AFG2A: variants seen among roughly 807,000 people sequenced by gnomAD.
The protein encoded by AFG2A is AAA ATPase AFG2A, also known as ATPase family gene 2 protein homolog A.
chr4:123,306,235 A>G, the AFG2A span, among the ~76,000 whole-genome samples: 1 of 152,150 alleles, frequency 6.6e-6, no homozygotes, highest in Non-Finnish European at 1.5e-5. Flanking sequence ...ACGTCCTAGG[A>G]ATTCATTTCA....
At chr4:123,255,724 T>C in the AFG2A span, among the ~76,000 whole-genome samples, 9 of 144,094 alleles carry the variant, frequency 6.2e-5, no homozygotes, top group African/African-American at 1.5e-4. Flanking sequence ...TCTATTTTTT[T>C]TTTTTTTTTT....
the AFG2A span, among the ~76,000 whole-genome samples, chr4:123,016,682 C>T: frequency 2.6e-5 from 4 of 151,654 alleles, no homozygotes; most frequent in African/African-American, 4.8e-5. Context: ...AGACGATGGG[C>T]GGCCAGGCAG....
At chr4:122,931,657 T>C in the AFG2A span, among the ~76,000 whole-genome samples, 94 of 152,298 alleles carry the variant, frequency 6.2e-4, no homozygotes, top group African/African-American at 2.0e-3. Context: ...CCTGAGGTGC[T>C]AGTGCTGGGA....
chr4:123,015,790 C>T, the AFG2A span, among the ~76,000 whole-genome samples: 1 of 121,272 alleles, frequency 8.2e-6, no homozygotes, highest in Admixed American at 8.1e-5. Context: ...ACCTCCCGGA[C>T]CGGGCGGCTC....
At chr4:123,232,113 AT>A in the AFG2A span, among the ~76,000 whole-genome samples, 1 of 152,010 alleles carries the variant, frequency 6.6e-6, no homozygotes, top group Non-Finnish European at 1.5e-5. Context: ...GGTTGCCACA[AT>A]TTACAATATA....
the AFG2A span, among the ~76,000 whole-genome samples, chr4:123,106,737 C>T: frequency 3.3e-5 from 5 of 152,216 alleles, no homozygotes; most frequent in Admixed American, 6.5e-5. Context: ...CTGGAAACCT[C>T]CATGGCCAGT....
the AFG2A span, among the ~76,000 whole-genome samples, chr4:122,925,043 C>G: frequency 9.9e-5 from 15 of 152,234 alleles, no homozygotes; most frequent in African/African-American, 2.9e-4. Flanking sequence ...TCAGGACTAA[C>G]TTCATGAGCC....
the AFG2A span, among the ~76,000 whole-genome samples, chr4:123,237,660 G>A: frequency 9.2e-6 from 1 of 108,348 alleles, no homozygotes; most frequent in Non-Finnish European, 1.8e-5. Context: ...GCGACAGAGT[G>A]AAACCTTGTC....
At chr4:123,290,162 C>A in the AFG2A span, among the ~76,000 whole-genome samples, 1 of 152,120 alleles carries the variant, frequency 6.6e-6, no homozygotes, top group African/African-American at 2.4e-5. Flanking sequence ...TGTTCACTCT[C>A]TTGATAATTT....
At chr4:123,277,761 A>G in the AFG2A span, among the ~76,000 whole-genome samples, 1 of 152,108 alleles carries the variant, frequency 6.6e-6, no homozygotes, top group East Asian at 1.9e-4. Context: ...CTCTGTTTAT[A>G]GGATTAATCA....
At chr4:123,228,945 G>T in the AFG2A span, among the ~76,000 whole-genome samples, 1 of 151,890 alleles carries the variant, frequency 6.6e-6, no homozygotes, top group Non-Finnish European at 1.5e-5. Flanking sequence ...GATATTCCAG[G>T]CTGGAACTGG....
chr4:123,004,521 A>G, the AFG2A span, among the ~76,000 whole-genome samples: 3 of 152,194 alleles, frequency 2.0e-5, no homozygotes, highest in East Asian at 1.9e-4. Context: ...TAGTCTGTCA[A>G]TATGAATTAT....
chr4:123,160,709 C>G, the AFG2A span, among the ~76,000 whole-genome samples: 1 of 152,064 alleles, frequency 6.6e-6, no homozygotes, highest in Admixed American at 6.6e-5. Context: ...CTTTCTTTTT[C>G]TTTTGTTTTT....
chr4:123,256,190 T>C, the AFG2A span: 4 of 1,613,232 alleles, frequency 2.5e-6, no homozygotes, highest in Non-Finnish European at 3.4e-6. Flanking sequence ...GGTAAGATAG[T>C]TCCCTTCAAA....
At chr4:123,084,422 C>G in the AFG2A span, among the ~76,000 whole-genome samples, 1 of 151,942 alleles carries the variant, frequency 6.6e-6, no homozygotes, top group East Asian at 1.9e-4. Context: ...TATATACTCT[C>G]AATACTATAA....
chr4:123,283,011 C>T, the AFG2A span, among the ~76,000 whole-genome samples: 1 of 151,942 alleles, frequency 6.6e-6, no homozygotes, highest in Admixed American at 6.6e-5. Context: ...ATATAAGTGT[C>T]TTGCACTTTT....
the AFG2A span, among the ~76,000 whole-genome samples, chr4:123,012,070 TG>T: frequency 1.9e-5 from 1 of 53,066 alleles, no homozygotes; most frequent in Non-Finnish European, 3.7e-5. Flanking sequence ...AGAAGGGGTG[TG>T]GGGTGCTTGC....
the AFG2A span, among the ~76,000 whole-genome samples, chr4:122,934,981 A>G: frequency 2.6e-5 from 4 of 152,330 alleles, no homozygotes; most frequent in East Asian, 1.9e-4. Flanking sequence ...TATTTCCACA[A>G]TTACCTGTAT....
the AFG2A span, among the ~76,000 whole-genome samples, chr4:123,229,692 G>A: frequency 1.1e-4 from 16 of 152,012 alleles, 1 homozygote; most frequent in East Asian, 7.7e-4. Flanking sequence ...TGGAAATGCC[G>A]TTTCCTGAGA....
Sources: gnomAD v4.1 joint callset for allele counts (sites outside exome capture counted in the v4.1 genomes callset) on GRCh38, gnomAD v4.1.1 for gene constraint, MANE v1.5 for transcripts, NCBI Gene and HGNC (gene_info 2026-07-23, HGNC 2026-07-21) for gene names.